Variants in KATNIP observed in about 807,000 individuals in gnomAD.
KATNIP encodes the protein katanin interacting protein, also known as katanin-interacting protein.
A neutral mutation model predicts 174.0 loss-of-function variants in KATNIP; 126 were observed. That is an observed-to-expected ratio of 0.72 (90% CI 0.63 to 0.84). The LOEUF (loss-of-function observed/expected upper bound fraction) is 0.84. Ranked by LOEUF, KATNIP falls within the 40% of genes least tolerant of loss-of-function variation. The pLI is 0.00. For synonymous variants in KATNIP, 810 were observed against 835.7 expected, an observed-to-expected ratio of 0.97 and a Z score of 0.53; for missense variants, 1,958 against 2,109.7, an observed-to-expected ratio of 0.93 and a Z score of 1.41.
At position 27,750,004 on chromosome 16, in the gene KATNIP, C is replaced by A. The variant is rs772557040; in HGVS notation, c.3044C>A (p.Pro1015His). ...PVQISNIKAD[P>H]PDINILPAYG... ...CAGATTTCAAACATAAAAGCAGACC[C>A]TCCCGATATCAATATTTTACCAGCC... The change falls in exon 16 of 28, where the codon CCT (proline) becomes CAT (histidine). Residue 1015 changes from proline (P) to histidine (H), a missense_variant. Pro to His is a moderately conservative substitution (Grantham distance 77). This residue lies in a region of KATNIP where 1,557 missense variants were observed against 1,617.8 expected (regional missense o/e 0.96). Coordinates refer to ENST00000261588, the MANE Select transcript of KATNIP (RefSeq NM_015202.5). The A allele has an allele frequency of 6.2e-7, 1 of 1,614,176 alleles. No homozygotes were observed. The highest frequency in any genetic ancestry group is 8.5e-7 in the Non-Finnish European group (1 of 1,180,034).
chr16:27,751,876 G>T lies in KATNIP; in HGVS notation c.3504G>T (p.Glu1168Asp), dbSNP rs1277864334. The change falls in exon 17 of 28, where the codon GAG (glutamate) becomes GAT (aspartate). Residue 1168 changes from glutamate (E) to aspartate (D), a missense_variant. Glu to Asp is a conservative substitution (Grantham distance 45). This residue lies in a region of KATNIP where 1,557 missense variants were observed against 1,617.8 expected (regional missense o/e 0.96). Transcript: ENST00000261588. ...AMRRPSTADG[E>D]GDERPFTQAG... ...GGAGGCCCAGCACGGCCGACGGCGAGGGGGATGAGCGGCCCTTCACCCAGG... is the reference window on the plus strand; with the variant it reads ...GGAGGCCCAGCACGGCCGACGGCGATGGGGATGAGCGGCCCTTCACCCAGG... The T allele has an allele frequency of 3.1e-6, 5 of 1,613,512 alleles. No individual in the cohort carries two copies. Among genetic ancestry groups the T allele is most frequent in the Non-Finnish European group, 4.2e-6 (5 of 1,179,994 alleles).
intron 6 of KATNIP, chr16:27,669,374 G>A (rs1321954591): frequency 2.4e-5 from 22 of 911,664 alleles, no homozygotes; most frequent in African/African-American, 1.1e-4. Context: ...CTCCACCTGC[G>A]GTGTTGGCAG....
intron 4 of KATNIP, among the ~76,000 whole-genome samples, chr16:27,629,038 T>C (rs1260934772): frequency 3.3e-5 from 5 of 151,904 alleles, no homozygotes. Context: ...CATGATGGCA[T>C]GCACCTGTAG....
intron 1 of KATNIP, among the ~76,000 whole-genome samples, chr16:27,566,800 A>T (rs2090108144): frequency 6.6e-6 from 1 of 152,154 alleles, no homozygotes; most frequent in Non-Finnish European, 1.5e-5. Flanking sequence ...TCACCCGGGG[A>T]AGAAGCTGAC....
intron 18 of KATNIP, among the ~76,000 whole-genome samples, chr16:27,758,909 G>A (rs2081841115): frequency 6.6e-6 from 1 of 152,154 alleles, no homozygotes; most frequent in Non-Finnish European, 1.5e-5. Context: ...CAAGCTTCTT[G>A]AGTTCAGAGA....
intron 8 of KATNIP, among the ~76,000 whole-genome samples, chr16:27,688,476 A>G (rs947731643): frequency 6.6e-6 from 1 of 152,172 alleles, no homozygotes; most frequent in African/African-American, 2.4e-5. Context: ...CTGTGGTCCC[A>G]GCTACTCAGG....
intron 2 of KATNIP, among the ~76,000 whole-genome samples, chr16:27,609,247 T>G (rs947891060): frequency 2.0e-5 from 3 of 152,012 alleles, no homozygotes; most frequent in Non-Finnish European, 4.4e-5. Context: ...GTGTAATAAG[T>G]AAAATAAATT....
At chr16:27,579,979 G>A (rs1410496579) in intron 2 of KATNIP, among the ~76,000 whole-genome samples, 2 of 151,896 alleles carry the variant, frequency 1.3e-5, no homozygotes, top group Non-Finnish European at 2.9e-5. Context: ...CACAGCAATG[G>A]AGGGAGTACA....
At chr16:27,760,201 T>C (rs530547472) in intron 18 of KATNIP, among the ~76,000 whole-genome samples, 2 of 152,314 alleles carry the variant, frequency 1.3e-5, no homozygotes, top group East Asian at 1.9e-4. Context: ...TGCTCTGTGG[T>C]GCTGGCATTT....
At chr16:27,650,582 T>C (rs187620177) in intron 6 of KATNIP, among the ~76,000 whole-genome samples, 42 of 152,310 alleles carry the variant, frequency 2.8e-4, no homozygotes, top group Non-Finnish European at 5.4e-4. Context: ...GAGTCTTGCT[T>C]CTACGTATCG....
chr16:27,647,705 A>G (rs916982806), intron 5 of KATNIP, among the ~76,000 whole-genome samples: 2 of 152,012 alleles, frequency 1.3e-5, no homozygotes. Context: ...GGGTTTCTCC[A>G]TCTTGGTCAG....
chr16:27,774,960 C>CCGACAG lies in KATNIP; in HGVS notation c.4328_4333dup (p.Asp1443_Ser1444dup). On this transcript the variant is annotated inframe_insertion, in exon 24 of 28. Coordinates refer to ENST00000261588, the MANE Select transcript of KATNIP (RefSeq NM_015202.5). Reference sequence around the variant, plus strand: ...GTCTCCTCAGATATTGCGGCCTTCCCCGACAGCGTGAACTCCCTGGAGGGT... The same window carrying CCGACAG: ...GTCTCCTCAGATATTGCGGCCTTCCCCGACAGCGACAGCGTGAACTCCCTGGAGGGT... The CCGACAG allele has an allele frequency of 6.2e-7, 1 of 1,613,916 alleles. No individual in the cohort carries two copies. Among genetic ancestry groups the CCGACAG allele is most frequent in the Non-Finnish European group, 8.5e-7 (1 of 1,179,934 alleles).
At chr16:27,629,223 G>T (rs1467013360) in intron 4 of KATNIP, among the ~76,000 whole-genome samples, 2 of 150,578 alleles carry the variant, frequency 1.3e-5, no homozygotes, top group Non-Finnish European at 1.5e-5. Flanking sequence ...TGTGAACAAC[G>T]AACACAAGTT....
chr16:27,659,438 A>C (rs115072246), intron 6 of KATNIP, among the ~76,000 whole-genome samples: 3,321 of 151,768 alleles, frequency 0.022, 138 homozygotes, highest in African/African-American at 0.076. Flanking sequence ...TGACACCAGG[A>C]GTTTGAGGCT....
In KATNIP at chr16:27,766,465, C is replaced by T; in HGVS notation, c.3966C>T (p.Thr1322=). ...ACTACAATAAATCTCCCGAGGACAC[C>T]TATCGCGGGGTAAGCTGGGGAGCAG... ...FWNYNKSPED[T]YRGAKIVHVS... is the part of the protein sequence containing the mutation. Residue 1322 remains threonine (T), a synonymous_variant, in exon 20 of 28, where the codon ACC becomes ACT. Transcript: ENST00000261588. The T allele has an allele frequency of 6.2e-7, 1 of 1,612,148 alleles. No homozygotes were observed. The highest frequency in any genetic ancestry group is 8.5e-7 in the Non-Finnish European group (1 of 1,179,848).
intron 1 of KATNIP, among the ~76,000 whole-genome samples, chr16:27,558,970 G>C (rs553978759): frequency 6.6e-6 from 1 of 152,188 alleles, no homozygotes; most frequent in Non-Finnish European, 1.5e-5. Context: ...CTCACACCTG[G>C]AGAGTGAGTC....
rs188213354 is a variant in KATNIP, at chr16:27,725,554, C to T, written c.1743+3859C>T. 9.2e-5 allele frequency among the ~76,000 whole-genome samples: 14 copies of T among 152,212 alleles called. No individual in the cohort carries two copies. In the East Asian group the frequency reaches 2.5e-3, roughly 27 times the overall value. On this transcript the variant is annotated intron_variant, in intron 14 of 27. Coordinates refer to ENST00000261588, the MANE Select transcript of KATNIP (RefSeq NM_015202.5). ...GCTAGCAGGTGGTAAGAGACAAAGC[C>T]GGGAAGGGAAATTTGAGGTCCGCTT...
Position 27,770,759 on chromosome 16 carries a change from C to T in KATNIP, c.4133+741C>T, listed in dbSNP as rs115258418. On this transcript the variant is annotated intron_variant, in intron 21 of 27. Coordinates refer to ENST00000261588, the MANE Select transcript of KATNIP (RefSeq NM_015202.5). Reference sequence around the variant, plus strand: ...TGATGTGTCCTTTGGGAAATCCTTCCAGCCACCCTTTGACCTAGCCAGTAT... The same window carrying T: ...TGATGTGTCCTTTGGGAAATCCTTCTAGCCACCCTTTGACCTAGCCAGTAT... Among the ~76,000 whole-genome samples the T allele has an allele frequency of 7.3e-3, 1,115 of 152,344 alleles. 20 individuals carry two copies. Among genetic ancestry groups the T allele is most frequent in the African/African-American group, 0.026 (1,061 of 41,580 alleles).
chr16:27,703,546 T>C (rs1312198028), intron 11 of KATNIP, among the ~76,000 whole-genome samples: 1 of 152,230 alleles, frequency 6.6e-6, no homozygotes, highest in Admixed American at 6.5e-5. Context: ...ACATAAACCA[T>C]TCTTAGCTCA....
Sources: gnomAD v4.1 joint callset for allele counts (sites outside exome capture counted in the v4.1 genomes callset) on GRCh38, gnomAD v4.1.1 for gene constraint, gnomAD v4.1.1 regional missense constraint, MANE v1.5 for transcripts, NCBI Gene and HGNC (gene_info 2026-07-23, HGNC 2026-07-21) for gene names.